ERC2: variants seen among roughly 807,000 people sequenced by gnomAD.
ERC2 encodes the protein ELKS/RAB6-interacting/CAST family member 2.
ERC2 carries 42 observed loss-of-function variants against 114.8 expected under a neutral mutation model. The observed-to-expected ratio is 0.37, with a 90% CI of 0.29 to 0.47. The LOEUF (loss-of-function observed/expected upper bound fraction) is 0.47, where lower values mean the gene tolerates loss of function less well. ERC2 is among the 20% of genes least tolerant of loss of function. ERC2 has a pLI of 0.99. For synonymous variants in ERC2, 454 were observed against 425.5 expected (o/e 1.07, Z -0.82); for missense variants, 939 against 1,150.7 (o/e 0.82, Z 2.66).
chr3:55,579,994 G>A (rs1330504053), intron 17 of ERC2, among the ~76,000 whole-genome samples: 1 of 152,208 alleles, frequency 6.6e-6, no homozygotes, highest in African/African-American at 2.4e-5. Flanking sequence ...CAGTGGTGAG[G>A]GTTTCAAATA....
chr3:55,817,527 TTTATA>T (rs1559703748), intron 14 of ERC2, among the ~76,000 whole-genome samples: 10 of 152,218 alleles, frequency 6.6e-5, no homozygotes. Context: ...ATAAGCGATA[TTTATA>T]TTGTCATAAG....
At chr3:55,820,060 C>T (rs940331295) in intron 14 of ERC2, among the ~76,000 whole-genome samples, 25 of 152,146 alleles carry the variant, frequency 1.6e-4, no homozygotes. Flanking sequence ...GCAGAATGCC[C>T]ATTGCAGACT....
chr3:56,409,476 T>C (rs1264366596), intron 2 of ERC2, among the ~76,000 whole-genome samples: 1 of 150,766 alleles, frequency 6.6e-6, no homozygotes, highest in Non-Finnish European at 1.5e-5. Context: ...ACCATTGCAT[T>C]GTTTGTTTGC....
chr3:56,043,705 T>C (rs1046774059), intron 7 of ERC2, among the ~76,000 whole-genome samples: 7 of 152,212 alleles, frequency 4.6e-5, no homozygotes, highest in Admixed American at 4.6e-4. Context: ...TTCTACCCTC[T>C]AACTCTATTC....
At chr3:55,918,957 A>T (rs962775314) in intron 13 of ERC2, among the ~76,000 whole-genome samples, 4 of 152,110 alleles carry the variant, frequency 2.6e-5, no homozygotes, top group Admixed American at 1.3e-4. Context: ...TCAAATACAC[A>T]CTAAAGATAT....
At chr3:56,380,622 G>C (rs576395876) in intron 2 of ERC2, among the ~76,000 whole-genome samples, 1 of 152,136 alleles carries the variant, frequency 6.6e-6, no homozygotes, top group Non-Finnish European at 1.5e-5. Context: ...TATGGAGAAC[G>C]AGTCCTCAAA....
intron 17 of ERC2, among the ~76,000 whole-genome samples, chr3:55,579,481 G>A (rs2057151211): frequency 6.6e-6 from 1 of 152,174 alleles, no homozygotes; most frequent in Non-Finnish European, 1.5e-5. Context: ...CATAATAACA[G>A]GTCATGTTAT....
chr3:56,185,532 T>C (rs191325809), intron 3 of ERC2, among the ~76,000 whole-genome samples: 59 of 152,272 alleles, frequency 3.9e-4, no homozygotes, highest in Non-Finnish European at 6.3e-4. Context: ...AATGGGACTT[T>C]TGAACTGATG....
rs527461940 is a variant in ERC2, at chr3:56,342,525, A to C, written c.658-46090T>G. ...ATAACCACAGACTTCTGAAGAACCC[A>C]TGTCAAATCCTTGAGTGTGCTCCTA... On this transcript the variant is annotated intron_variant, in intron 2 of 17. Coordinates refer to ENST00000288221, the MANE Select transcript of ERC2 (RefSeq NM_015576.3). 2.2e-4 allele frequency among the ~76,000 whole-genome samples: 34 copies of C among 152,304 alleles called. No homozygotes were observed. In the South Asian group the frequency reaches 6.2e-3, roughly 28 times the overall value.
intron 3 of ERC2, among the ~76,000 whole-genome samples, chr3:56,178,610 A>G (rs1560314966): frequency 1.3e-5 from 2 of 152,248 alleles, no homozygotes; most frequent in Non-Finnish European, 2.9e-5. Context: ...GGAAAGGAAC[A>G]CTAAAATCTC....
At chr3:55,963,324 A>T (rs2068521363) in intron 12 of ERC2, among the ~76,000 whole-genome samples, 1 of 152,230 alleles carries the variant, frequency 6.6e-6, no homozygotes, top group South Asian at 2.1e-4. Context: ...TATCACAATG[A>T]GTTTGATTCT....
In ERC2 at chr3:55,803,722, G is replaced by A. The variant is rs146841063; in HGVS notation, c.2565-68804C>T. Among the ~76,000 whole-genome samples the A allele has an allele frequency of 3.4e-3, 511 of 152,200 alleles. 4 individuals are homozygous for A. Among genetic ancestry groups the A allele is most frequent in the African/African-American group, 0.012 (485 of 41,538 alleles). On this transcript the variant is annotated intron_variant, in intron 14 of 17. Coordinates refer to ENST00000288221, the MANE Select transcript of ERC2 (RefSeq NM_015576.3). ...GTGAACTGTAGTGGTGTGTCAAACTGTAAACACAGTCATGGAATATTGGTT... is the reference window on the plus strand; with the variant it reads ...GTGAACTGTAGTGGTGTGTCAAACTATAAACACAGTCATGGAATATTGGTT...
chr3:56,170,248 G>A (rs564497425), intron 4 of ERC2, among the ~76,000 whole-genome samples: 1 of 152,264 alleles, frequency 6.6e-6, no homozygotes, highest in South Asian at 2.1e-4. Flanking sequence ...CAGCCCCCAG[G>A]CTCAACTGGC....
chr3:55,875,070 C>T (rs2062764024), intron 14 of ERC2, among the ~76,000 whole-genome samples: 1 of 152,168 alleles, frequency 6.6e-6, no homozygotes, highest in Non-Finnish European at 1.5e-5. Context: ...TCACAGCAGT[C>T]AGCTTCCAGG....
At chr3:56,170,585 GTTTTTTTT>G (rs1178172687) in intron 4 of ERC2, among the ~76,000 whole-genome samples, 49 of 61,776 alleles carry the variant, frequency 7.9e-4, no homozygotes, top group African/African-American at 2.7e-3. Context: ...AATCTCTTCT[GTTTTTTTT>G]TTTTTTTTTT....
chr3:56,161,248 T>C (rs2082033311), intron 4 of ERC2, among the ~76,000 whole-genome samples: 1 of 152,216 alleles, frequency 6.6e-6, no homozygotes. Flanking sequence ...AGCTGAGCAG[T>C]TGTTGTTGCC....
intron 13 of ERC2, among the ~76,000 whole-genome samples, chr3:55,949,153 A>C (rs1353849583): frequency 6.6e-6 from 1 of 152,022 alleles, no homozygotes; most frequent in Non-Finnish European, 1.5e-5. Flanking sequence ...GCGGATCATG[A>C]GGTCACGAGA....
intron 17 of ERC2, among the ~76,000 whole-genome samples, chr3:55,587,326 T>C (rs1357531626): frequency 6.6e-6 from 1 of 152,216 alleles, no homozygotes; most frequent in Non-Finnish European, 1.5e-5. Context: ...GCTAATTTTG[T>C]ATTTTTAGTG....
chr3:55,754,101 T>C (rs778190159), intron 14 of ERC2, among the ~76,000 whole-genome samples: 2 of 152,220 alleles, frequency 1.3e-5, no homozygotes, highest in Non-Finnish European at 1.5e-5. Flanking sequence ...ACCATTACTA[T>C]GAGTGTGGTT....
Sources: gnomAD v4.1 joint callset for allele counts (sites outside exome capture counted in the v4.1 genomes callset) on GRCh38, gnomAD v4.1.1 for gene constraint, MANE v1.5 for transcripts, NCBI Gene and HGNC (gene_info 2026-07-23, HGNC 2026-07-21) for gene names.